Variants in GUCA1B observed in about 807,000 individuals in gnomAD.
GUCA1B encodes guanylyl cyclase-activating protein 2.
Under a neutral mutation model 24.2 loss-of-function variants are expected in GUCA1B, and 22 were observed. The ratio of observed to expected loss-of-function variants is 0.91; its 90% confidence interval spans 0.65 to 1.30. The LOEUF (loss-of-function observed/expected upper bound fraction) is 1.30. Among genes scored for constraint, GUCA1B ranks in the 50% most tolerant of loss-of-function variants. The pLI, the probability that GUCA1B is intolerant of heterozygous loss-of-function variation, is 0.00. For synonymous variants in GUCA1B, 100 were observed against 97.9 expected (o/e 1.02, Z -0.13); for missense variants, 221 against 258.8 (o/e 0.85, Z 1.00).
chr6:42,187,895 G>A (rs565604456), intron 2 of GUCA1B, among the ~76,000 whole-genome samples: 1 of 151,792 alleles, frequency 6.6e-6, no homozygotes, highest in Non-Finnish European at 1.5e-5. Context: ...TGCCCCAGCT[G>A]GAATGCAGTG....
At chr6:42,194,013 G>T (rs1768355639) in intron 1 of GUCA1B, among the ~76,000 whole-genome samples, 1 of 152,208 alleles carries the variant, frequency 6.6e-6, no homozygotes, top group South Asian at 2.1e-4. Flanking sequence ...TGTGGGCTTA[G>T]AGAAACTCTA....
chr6:42,194,077 T>C (rs1179774436), intron 1 of GUCA1B, among the ~76,000 whole-genome samples: 2 of 152,236 alleles, frequency 1.3e-5, no homozygotes, highest in Non-Finnish European at 2.9e-5. Context: ...AAGGGGCTTT[T>C]GCAGTCATTC....
At chr6:42,194,275 T>A (rs1768359355) in intron 1 of GUCA1B, among the ~76,000 whole-genome samples, 1 of 152,160 alleles carries the variant, frequency 6.6e-6, no homozygotes, top group Non-Finnish European at 1.5e-5. Flanking sequence ...GAAAACCCGG[T>A]CATTGGGCTG....
intron 1 of GUCA1B, among the ~76,000 whole-genome samples, chr6:42,191,040 T>TAATCTCATCTGCTATGCATGGGACC (rs1768295452): frequency 6.6e-6 from 1 of 152,202 alleles, no homozygotes; most frequent in Non-Finnish European, 1.5e-5. Flanking sequence ...CAGCTGGGAC[T>TAATCTCATCTGCTATGCATGGGACC]AATCTCATCT....
chr6:42,188,598 A>G lies in GUCA1B; in HGVS notation c.341T>C (p.Leu114Pro), dbSNP rs1481380569. 6.2e-7 allele frequency: 1 copy of G among 1,614,000 alleles called. No homozygotes were observed. The highest frequency in any genetic ancestry group is 8.5e-7 in the Non-Finnish European group (1 of 1,180,016). ...DGNGCIDRLELLNIVEGIYQL... is the reference protein window; with the variant it reads ...DGNGCIDRLEPLNIVEGIYQL... Reference sequence around the variant, plus strand: ...GACACTAACCTCCACAATGTTGAGTAGCTCCAGGCGGTCGATGCAGCCATT... The same window carrying G: ...GACACTAACCTCCACAATGTTGAGTGGCTCCAGGCGGTCGATGCAGCCATT... The change falls in exon 2 of 4, where the codon CTA becomes CCA. Residue 114 changes from leucine (L) to proline (P), a missense_variant. Transcript: ENST00000230361.
chr6:42,194,649 C>T lies in GUCA1B; in HGVS notation c.172G>A (p.Val58Ile), dbSNP rs758607920. 25 of 1,613,414 alleles carry T rather than the reference C, an allele frequency of 1.5e-5. No homozygotes were observed. Among genetic ancestry groups the T allele is most frequent in the Admixed American group, 3.3e-5 (2 of 60,008 alleles). The part of the protein sequence containing the change: ...VTDDEEASQY[V>I]EGMFRAFDKN... ...TCGAAGGCTCGGAACATGCCCTCTACATACTGGGAGGCCTCCTCATCGTCT... is the reference window on the plus strand; with the variant it reads ...TCGAAGGCTCGGAACATGCCCTCTATATACTGGGAGGCCTCCTCATCGTCT... Residue 58 changes from valine (V) to isoleucine (I), a missense_variant, in exon 1 of 4, where the codon GTA becomes ATA. Val to Ile is a conservative substitution (Grantham distance 29). Transcript: ENST00000230361.
chr6:42,191,221 G>A (rs1768298413), intron 1 of GUCA1B, among the ~76,000 whole-genome samples: 1 of 152,112 alleles, frequency 6.6e-6, no homozygotes, highest in African/African-American at 2.4e-5. Flanking sequence ...TTCAATGCAT[G>A]TTATATAAGA....
intron 1 of GUCA1B, among the ~76,000 whole-genome samples, chr6:42,194,175 G>C (rs1768357730): frequency 6.6e-6 from 1 of 152,198 alleles, no homozygotes; most frequent in South Asian, 2.1e-4. Flanking sequence ...CAACAAGAGG[G>C]AGCTCATAGC....
intron 1 of GUCA1B, among the ~76,000 whole-genome samples, 168 bp from the exon 2 acceptor site, chr6:42,188,899 T>C (rs1768250254): frequency 1.3e-5 from 1 of 75,928 alleles, no homozygotes; most frequent in East Asian, 2.2e-4. Context: ...TATCTATCTA[T>C]CTATATCTAT....
intron 3 of GUCA1B, 59 bp from the exon 4 acceptor site, chr6:42,185,001 CAGG>C: frequency 6.4e-7 from 1 of 1,573,994 alleles, no homozygotes; most frequent in Non-Finnish European, 8.7e-7. Context: ...GGTCTGGGGG[CAGG>C]AGGAGAGACC....
rs780170276 is a variant in GUCA1B at position 42,184,805 on chromosome 6, C to T, written c.*10G>A. On this transcript the variant is annotated 3_prime_UTR_variant, in exon 4 of 4. Transcript: ENST00000230361. ...GGTGAGCCTGGAGTCGTGGAGGGGC[C>T]CCAGACTCCTCAGAACATGGCACTT... is the stretch of plus-strand genomic sequence containing the variant. 5.6e-6 allele frequency: 9 copies of T among 1,613,754 alleles called. No individual in the cohort carries two copies. In the South Asian group the frequency reaches 7.7e-5, roughly 14 times the overall value.
intron 1 of GUCA1B, among the ~76,000 whole-genome samples, chr6:42,192,950 A>C (rs1015120051): frequency 6.6e-6 from 1 of 152,138 alleles, no homozygotes; most frequent in African/African-American, 2.4e-5. Flanking sequence ...GCTTTCTCTT[A>C]AAAAAAGTAT....
intron 1 of GUCA1B, among the ~76,000 whole-genome samples, chr6:42,193,299 T>C (rs1309594270): frequency 6.6e-6 from 1 of 152,260 alleles, no homozygotes; most frequent in African/African-American, 2.4e-5. Flanking sequence ...TATTGATTTT[T>C]AGATGAATCT....
chr6:42,193,102 G>A (rs2113848747), intron 1 of GUCA1B, among the ~76,000 whole-genome samples: 2 of 152,176 alleles, frequency 1.3e-5, no homozygotes, highest in Middle Eastern at 6.8e-3. Context: ...ATTGCATATG[G>A]GAGTTACTTG....
rs183630773 is a variant in GUCA1B, at chr6:42,184,342, C to T, written c.*473G>A. 3.4e-3 allele frequency: 766 copies of T among 223,326 alleles called. 3 individuals carry two copies. The highest frequency in any genetic ancestry group is 0.016 in the African/African-American group (723 of 44,448). The allele number at this position is 223,326 out of a possible 1,614,324, so 13.8% of individuals were successfully genotyped here. A position where few individuals can be genotyped will look rare whatever the true frequency, so the allele number is the denominator to read the frequency against. On this transcript the variant is annotated 3_prime_UTR_variant, in exon 4 of 4. Transcript: ENST00000230361. ...TCCTGACCTCGTGATCTGCCCGCCT[C>T]GGCCTCCCAAAGTGCTGGGATTACA...
At position 42,188,553 on chromosome 6, in the gene GUCA1B, G is replaced by A. The variant is rs972547652; in HGVS notation, c.357+29C>T. 8.7e-6 allele frequency: 14 copies of A among 1,612,056 alleles called. No homozygotes were observed. In the African/African-American group the frequency reaches 1.9e-4, roughly 22 times the overall value. ...GCTCCAGCAGTGCTCTAGTGCCCAG[G>A]CTGCTGGCCCATGGGCAGAGACACT... On this transcript the variant is annotated intron_variant, in intron 2 of 3. Coordinates refer to ENST00000230361, the MANE Select transcript of GUCA1B (RefSeq NM_002098.6).
chr6:42,194,077 T>TG (rs1484872281), intron 1 of GUCA1B, among the ~76,000 whole-genome samples: 1 of 152,236 alleles, frequency 6.6e-6, no homozygotes, highest in Non-Finnish European at 1.5e-5. Flanking sequence ...AAGGGGCTTT[T>TG]GCAGTCATTC....
chr6:42,187,102 ATTTATTTTAT>A (rs146128827), intron 2 of GUCA1B, among the ~76,000 whole-genome samples: 9,853 of 151,352 alleles, frequency 0.065, 1,066 homozygotes, highest in African/African-American at 0.23. Flanking sequence ...CTATCTTTCG[ATTTATTTTAT>A]TTTATTTTTT....
rs536811796 is a variant in GUCA1B at position 42,183,499 on chromosome 6, A to G, written c.*1316T>C. On this transcript the variant is annotated 3_prime_UTR_variant, in exon 4 of 4. Coordinates refer to ENST00000230361, the MANE Select transcript of GUCA1B (RefSeq NM_002098.6). Reference sequence around the variant, plus strand: ...AACCAGAGAGACTCCCTTTTAATCTAGTTTCTATATTGGGGTTACACATAA... The same window carrying G: ...AACCAGAGAGACTCCCTTTTAATCTGGTTTCTATATTGGGGTTACACATAA... Among the ~76,000 whole-genome samples, 11 of 152,226 alleles carry G rather than the reference A, an allele frequency of 7.2e-5. No individual in the cohort carries two copies. The highest frequency in any genetic ancestry group is 2.6e-4 in the African/African-American group (11 of 41,546).
Sources: gnomAD v4.1 joint callset for allele counts (sites outside exome capture counted in the v4.1 genomes callset) on GRCh38, gnomAD v4.1.1 for gene constraint, MANE v1.5 for transcripts, NCBI Gene and HGNC (gene_info 2026-07-23, HGNC 2026-07-21) for gene names.